The following ZC3HAV1L variants were observed in gnomAD, a reference collection of about 807,000 sequenced individuals.
ZC3HAV1L encodes zinc finger CCCH-type antiviral protein 1-like.
Under a neutral mutation model 28.2 loss-of-function variants are expected in ZC3HAV1L, and 23 were observed. The ratio of observed to expected loss-of-function variants is 0.82; its 90% CI spans 0.59 to 1.16. ZC3HAV1L has a LOEUF of 1.16. Among genes scored for constraint, ZC3HAV1L ranks in the 50% most tolerant of loss-of-function variants. The pLI is 0.00. For synonymous variants in ZC3HAV1L, 180 were observed against 163.4 expected (o/e 1.10, Z -0.78); for missense variants, 376 against 387.7 (o/e 0.97, Z 0.25).
chr7:139,026,484 C>T lies in ZC3HAV1L; in HGVS notation c.*60G>A. On this transcript the variant is annotated 3_prime_UTR_variant, in exon 5 of 5. Coordinates refer to ENST00000275766, the MANE Select transcript of ZC3HAV1L (RefSeq NM_080660.4). ...GCCTGTTCAATGTCCCACCCCATCC[C>T]CAACCACCCATGCCCAAATGTATTC... 2 of 1,606,462 alleles carry T rather than the reference C, an allele frequency of 1.2e-6. No homozygotes were observed. The highest frequency in any genetic ancestry group is 1.7e-6 in the Non-Finnish European group (2 of 1,177,912).
Position 139,026,434 on chromosome 7 carries a change from C to G in ZC3HAV1L, c.*110G>C, listed in dbSNP as rs1029131696. 21 of 1,527,432 alleles carry G rather than the reference C, an allele frequency of 1.4e-5. No individual in the cohort carries two copies. In the Middle Eastern group the frequency reaches 8.5e-4, roughly 62 times the overall value. 94.6% of individuals were successfully genotyped at this position (1,527,432 alleles called of 1,614,324 possible). A position where few individuals can be genotyped will look rare whatever the true frequency, so the allele number is the denominator to read the frequency against. Reference sequence around the variant, plus strand: ...AGCACTTGCCCTGGACTAGCCCCATCTGCACTCAATTTTAGCCTCTCTTTG... The same window carrying G: ...AGCACTTGCCCTGGACTAGCCCCATGTGCACTCAATTTTAGCCTCTCTTTG... On this transcript the variant is annotated 3_prime_UTR_variant, in exon 5 of 5. Coordinates refer to ENST00000275766, the MANE Select transcript of ZC3HAV1L (RefSeq NM_080660.4).
downstream of ZC3HAV1L, among the ~76,000 whole-genome samples, chr7:139,022,114 C>T (rs537821338): frequency 1.8e-4 from 28 of 151,966 alleles, no homozygotes; most frequent in African/African-American, 1.9e-4. Flanking sequence ...CTAAATCCCT[C>T]GATGGAAAGA....
In ZC3HAV1L at chr7:139,034,674, T is replaced by A; in HGVS notation, c.370A>T (p.Thr124Ser). The A allele has an allele frequency of 6.2e-7, 1 of 1,613,856 alleles. No homozygotes were observed. ...TGGATATCATGGGAAAGGGTACAGG[T>A]AGACCTAAAAGAACAAAGCCCTCGG... ...GKCPNRDCWS[T>S]CTLSHDIHTP... is the part of the protein sequence containing the mutation. Residue 124 changes from threonine to serine, a missense_variant, in exon 2 of 5, where the codon ACC becomes TCC. Physicochemically the swap from Thr to Ser is moderately conservative, Grantham distance 58 (BLOSUM62 1). Coordinates refer to ENST00000275766, the MANE Select transcript of ZC3HAV1L (RefSeq NM_080660.4).
rs2130629581 is a variant in ZC3HAV1L at position 139,028,979 on chromosome 7, A to G, written c.502-19T>C. The G allele has an allele frequency of 6.3e-7, 1 of 1,597,336 alleles. No individual in the cohort carries two copies. Among genetic ancestry groups the G allele is most frequent in the South Asian group, 1.1e-5 (1 of 88,080 alleles). ...AACAGACCTGGTACAGAAATGAGGG[A>G]ACACCTGAAATATTAGTTTTTCTTT... On this transcript the variant is annotated intron_variant, in intron 2 of 4. Coordinates refer to ENST00000275766, the MANE Select transcript of ZC3HAV1L (RefSeq NM_080660.4).
At chr7:139,032,008 G>A (rs114658310) in intron 2 of ZC3HAV1L, among the ~76,000 whole-genome samples, 3,181 of 152,210 alleles carry the variant, frequency 0.021, 107 homozygotes, top group African/African-American at 0.073. Context: ...CCAGGAGATC[G>A]AGGTTGCAGT....
In ZC3HAV1L at chr7:139,026,673, T is replaced by C. The variant is rs114294873; in HGVS notation, c.886+35A>G. On this transcript the variant is annotated intron_variant, in intron 4 of 4. Coordinates refer to ENST00000275766, the MANE Select transcript of ZC3HAV1L (RefSeq NM_080660.4). ...TTCAGATCTTCCAAGCTGGACAAGC[T>C]TCTTCTTAGTTCACTGACCCCCTTT... The C allele has an allele frequency of 8.2e-4, 1,324 of 1,612,852 alleles. 11 individuals are homozygous for C. The African/African-American group carries it at 0.016, about 20-fold the overall frequency.
Position 139,026,462 on chromosome 7 carries a change from T to A in ZC3HAV1L, c.*82A>T. ...CACTCAATTTTAGCCTCTCTTTGCC[T>A]GTTCAATGTCCCACCCCATCCCCAA... On this transcript the variant is annotated 3_prime_UTR_variant, in exon 5 of 5. Transcript: ENST00000275766. The A allele has an allele frequency of 6.3e-7, 1 of 1,585,874 alleles. No individual in the cohort carries two copies. The highest frequency in any genetic ancestry group is 1.1e-5 in the South Asian group (1 of 87,300).
rs1815437242 is a variant in ZC3HAV1L at position 139,028,873 on chromosome 7, A to C, written c.589T>G (p.Phe197Val). The C allele has an allele frequency of 2.5e-6, 4 of 1,614,110 alleles. No homozygotes were observed. Among genetic ancestry groups the C allele is most frequent in the Non-Finnish European group, 3.4e-6 (4 of 1,180,048 alleles). ...TGAAGTTTGCATTCTCCTTTCACAAAGGATTTGCACACATGAAACTTGTTG... is the reference window on the plus strand; with the variant it reads ...TGAAGTTTGCATTCTCCTTTCACAACGGATTTGCACACATGAAACTTGTTG... ...KCNKFHVCKS[F>V]VKGECKLQTC... The change falls in exon 3 of 5, where the codon TTT becomes GTT. Residue 197 changes from phenylalanine (F) to valine (V), a missense_variant. Phe to Val is a conservative substitution (Grantham distance 50, BLOSUM62 -1). Coordinates refer to ENST00000275766, the MANE Select transcript of ZC3HAV1L (RefSeq NM_080660.4).
In ZC3HAV1L at chr7:139,026,716, G is replaced by A. The variant is rs746769815; in HGVS notation, c.878C>T (p.Pro293Leu). Reference sequence around the variant, plus strand: ...CCCCCTTTAAGGTTTACCTGGGCAGGGCTTCTTGGCCGACTGAGCAGGGAC... The same window carrying A: ...CCCCCTTTAAGGTTTACCTGGGCAGAGCTTCTTGGCCGACTGAGCAGGGAC... ...ASVPAQSAKK[P>L]CPVSCEK is the part of the protein sequence containing the mutation. Residue 293 changes from proline to leucine, a missense_variant, in exon 4 of 5, where the codon CCC becomes CTC. By Grantham distance (98) the Pro-to-Leu change is moderately conservative. Transcript: ENST00000275766. 19 of 1,614,078 alleles carry A rather than the reference G, an allele frequency of 1.2e-5. No individual in the cohort carries two copies. Among genetic ancestry groups the A allele is most frequent in the Non-Finnish European group, 1.6e-5 (19 of 1,179,994 alleles).
At chr7:139,027,006 G>C (rs1239290722) in intron 3 of ZC3HAV1L, among the ~76,000 whole-genome samples, 173 bp from the exon 4 acceptor site, 1 of 152,176 alleles carries the variant, frequency 6.6e-6, no homozygotes, top group Non-Finnish European at 1.5e-5. Flanking sequence ...AAAATAGAGA[G>C]AGAGAGAGCA....
chr7:139,035,277 G>T, intron 1 of ZC3HAV1L: 1 of 985,442 alleles, frequency 1.0e-6, no homozygotes. Flanking sequence ...AAAGGGTCCA[G>T]GGATCTCATG....
In ZC3HAV1L at chr7:139,026,894, G is replaced by A. The variant is rs1167821112; in HGVS notation, c.761-61C>T. 1.0e-5 allele frequency: 16 copies of A among 1,555,314 alleles called. No individual in the cohort carries two copies. The Admixed American group carries it at 2.0e-4, about 20-fold the overall frequency. On this transcript the variant is annotated intron_variant, in intron 3 of 4. Coordinates refer to ENST00000275766, the MANE Select transcript of ZC3HAV1L (RefSeq NM_080660.4). ...CCCCAAGTTTCATTTTACGTTGGGA[G>A]CAACAGCCCAGCTAACCAGCCATCA...
rs529164357 is a variant in ZC3HAV1L at position 139,034,217 on chromosome 7, C to T, written c.501+326G>A. ...TCAACATCTCCCCTTCTTCCCATCC[C>T]TCTTCTGGCCAAGTGGAGGTGTCTA... On this transcript the variant is annotated intron_variant, in intron 2 of 4. Transcript: ENST00000275766. 6.5e-4 allele frequency: 639 copies of T among 976,480 alleles called. 1 individual carries two copies. Among genetic ancestry groups the T allele is most frequent in the South Asian group, 2.8e-3 (58 of 21,080 alleles). The allele number at this position is 976,480 out of a possible 1,614,324, so 60.5% of individuals were successfully genotyped here.
Position 139,028,704 on chromosome 7 carries a change from G to C in ZC3HAV1L, c.758C>G (p.Thr253Arg), listed in dbSNP as rs756406846. Residue 253 changes from threonine (T) to arginine (R), a missense_variant and splice_region_variant, in exon 3 of 5, where the codon ACA becomes AGA. Physicochemically the swap from Thr to Arg is moderately conservative, Grantham distance 71 (BLOSUM62 -1). Coordinates refer to ENST00000275766, the MANE Select transcript of ZC3HAV1L (RefSeq NM_080660.4). ...CTGTCCTTCTTGGATATTCCTACCT[G>C]TATTTTCAAGCATCTTGTGCAGCTT... ...HMKLHKMLEN[T>R]DNSSPSTEHS... is the part of the protein sequence containing the mutation. The C allele has an allele frequency of 2.5e-6, 4 of 1,612,896 alleles. No individual in the cohort carries two copies. Among genetic ancestry groups the C allele is most frequent in the Non-Finnish European group, 3.4e-6 (4 of 1,179,206 alleles).
Position 139,035,825 on chromosome 7 carries a change from C to T in ZC3HAV1L, c.193G>A (p.Ala65Thr). ...CCCACCGCGCCGGCCGCCGCCTCGGCCTCCGCGTCCCCGAGGCCCTCCTGC... is the reference window on the plus strand; with the variant it reads ...CCCACCGCGCCGGCCGCCGCCTCGGTCTCCGCGTCCCCGAGGCCCTCCTGC... The part of the protein sequence containing the change: ...ETQEGLGDAE[A>T]EAAAGAVGGG... Residue 65 changes from alanine to threonine, a missense_variant, in exon 1 of 5, where the codon GCC (alanine) becomes ACC (threonine). Coordinates refer to ENST00000275766, the MANE Select transcript of ZC3HAV1L (RefSeq NM_080660.4). 6.7e-7 allele frequency: 1 copy of T among 1,484,866 alleles called. No individual in the cohort carries two copies. Among genetic ancestry groups the T allele is most frequent in the Non-Finnish European group, 8.9e-7 (1 of 1,126,550 alleles). The allele number at this position is 1,484,866 out of a possible 1,614,324, so 92.0% of individuals were successfully genotyped here. A position where few individuals can be genotyped will look rare whatever the true frequency, so the allele number is the denominator to read the frequency against.
downstream of ZC3HAV1L, chr7:139,022,421 C>G (rs1815263029): frequency 2.3e-6 from 1 of 430,356 alleles, no homozygotes; most frequent in Non-Finnish European, 4.7e-6. Flanking sequence ...TGGCATGCAC[C>G]TATAGTCCCG....
At chr7:139,026,993 T>TA (rs1175767657) in intron 3 of ZC3HAV1L, among the ~76,000 whole-genome samples, 160 bp from the exon 4 acceptor site, 1 of 151,832 alleles carries the variant, frequency 6.6e-6, no homozygotes, top group Non-Finnish European at 1.5e-5. Flanking sequence ...TGTGTGTGTA[T>TA]AAAAAATAGA....
chr7:139,035,368 T>C, intron 1 of ZC3HAV1L: 8 of 984,574 alleles, frequency 8.1e-6, no homozygotes, highest in Non-Finnish European at 9.6e-6. Flanking sequence ...AGTCCGGATT[T>C]AACCCGGCCG....
intron 3 of ZC3HAV1L, 75 bp from the exon 4 acceptor site, chr7:139,026,908 A>G (rs1815370472): frequency 1.3e-6 from 2 of 1,517,302 alleles, no homozygotes; most frequent in Non-Finnish European, 1.8e-6. Flanking sequence ...CAGCCCAGCT[A>G]ACCAGCCATC....
Sources: gnomAD v4.1 joint callset for allele counts (sites outside exome capture counted in the v4.1 genomes callset) on GRCh38, gnomAD v4.1.1 for gene constraint, MANE v1.5 for transcripts, NCBI Gene and HGNC (gene_info 2026-07-23, HGNC 2026-07-21) for gene names.